The following FASTKD5 variants were observed in gnomAD, a reference collection of about 807,000 sequenced individuals.
FASTKD5 encodes FAST kinase domains 5, also known as non-canonical pre-mRNAs endonuclease FASTKD5, mitochondrial.
FASTKD5 carries 30 observed loss-of-function variants against 44.0 expected under a neutral mutation model. The observed-to-expected ratio is 0.68, with a 90% CI of 0.51 to 0.93. The LOEUF is 0.93. Among genes scored for constraint, FASTKD5 ranks in the 40% least tolerant of loss-of-function variants. The pLI is 0.00. For synonymous variants in FASTKD5, 335 were observed against 342.2 expected (o/e 0.98, Z 0.23); for missense variants, 868 against 908.2 (o/e 0.96, Z 0.57).
chr20:3,151,010 T>G (rs979935215), intron 1 of FASTKD5: 1 of 152,202 alleles, frequency 6.6e-6, no homozygotes, highest in Non-Finnish European at 1.5e-5. Flanking sequence ...CCTCTTGAAG[T>G]AGCAAAAACT....
intron 1 of FASTKD5, among the ~76,000 whole-genome samples, chr20:3,158,530 G>A (rs1568485446): frequency 6.6e-6 from 1 of 152,018 alleles, no homozygotes; most frequent in Non-Finnish European, 1.5e-5. Flanking sequence ...CTGGAGTGCA[G>A]TGGCGCGATC....
intron 1 of FASTKD5, among the ~76,000 whole-genome samples, chr20:3,152,976 T>C (rs994783553): frequency 3.3e-5 from 5 of 151,640 alleles, no homozygotes; most frequent in South Asian, 2.1e-4. Flanking sequence ...AGCTGTGCCA[T>C]AGTAAAGCGA....
Position 3,148,318 on chromosome 20 carries a change from C to T in FASTKD5, c.753G>A (p.Trp251Ter). Residue 251 changes from tryptophan to a stop codon, truncating the protein, a stop_gained, in exon 2 of 2, where the codon TGG becomes TGA. Transcript: ENST00000380266. LOFTEE classifies it high-confidence loss of function. ...MDQLLLVADL[W>*]RYLGRKVPRF... ...TAGGTACTTTGCGGCCTAAGTACCTCCAGAGATCAGCCACCAAAAGGAGCT... is the reference window on the plus strand; with the variant it reads ...TAGGTACTTTGCGGCCTAAGTACCTTCAGAGATCAGCCACCAAAAGGAGCT... 1 of 1,613,958 alleles carries T rather than the reference C, an allele frequency of 6.2e-7. No homozygotes were observed. Among genetic ancestry groups the T allele is most frequent in the Non-Finnish European group, 8.5e-7 (1 of 1,180,002 alleles).
Position 3,147,795 on chromosome 20 carries a change from G to C in FASTKD5, c.1276C>G (p.Arg426Gly). 1 of 1,614,100 alleles carries C rather than the reference G, an allele frequency of 6.2e-7. No homozygotes were observed. Among genetic ancestry groups the C allele is most frequent in the Non-Finnish European group, 8.5e-7 (1 of 1,180,020 alleles). Residue 426 changes from arginine to glycine, a missense_variant, in exon 2 of 2, where the codon CGA becomes GGA. By Grantham distance (125) the Arg-to-Gly change is moderately radical (BLOSUM62 -2). Transcript: ENST00000380266. The stretch of plus-strand genomic sequence containing the variant: ...AGAATCTTGGCAACATCTTTACTTC[G>C]ACAGTGTGCCACTCTAGGAGGCAAA... The part of the protein sequence containing the change: ...ASLPPRVAHC[R>G]SKDVAKILWS...
At chr20:3,155,515 A>T (rs1036682918) in intron 1 of FASTKD5, among the ~76,000 whole-genome samples, 1 of 152,084 alleles carries the variant, frequency 6.6e-6, no homozygotes, top group Non-Finnish European at 1.5e-5. Flanking sequence ...TGGGCAACAG[A>T]GCGAAACTCC....
chr20:3,150,133 T>C (rs2066609772), intron 1 of FASTKD5, among the ~76,000 whole-genome samples: 1 of 152,220 alleles, frequency 6.6e-6, no homozygotes, highest in East Asian at 1.9e-4. Flanking sequence ...TTTTACTTTT[T>C]AGAAGATGCC....
At chr20:3,154,927 A>C (rs1299118399) in intron 1 of FASTKD5, among the ~76,000 whole-genome samples, 1 of 151,574 alleles carries the variant, frequency 6.6e-6, no homozygotes, top group African/African-American at 2.4e-5. Flanking sequence ...GTGGCTCACA[A>C]CTGTAATCCC....
intron 1 of FASTKD5, among the ~76,000 whole-genome samples, chr20:3,151,253 G>A (rs904055310): frequency 6.6e-6 from 1 of 152,126 alleles, no homozygotes. Flanking sequence ...TCAGATCAAG[G>A]GTGAGCAGAC....
intron 1 of FASTKD5, among the ~76,000 whole-genome samples, chr20:3,155,052 CAAA>C (rs11326176): frequency 0.011 from 1,022 of 96,108 alleles, 16 homozygotes; most frequent in African/African-American, 0.044. Flanking sequence ...GACACAGTCT[CAAA>C]AAAAAAAAAA....
chr20:3,158,666 G>A (rs1025664598), intron 1 of FASTKD5, among the ~76,000 whole-genome samples: 4 of 151,994 alleles, frequency 2.6e-5, no homozygotes, highest in African/African-American at 4.8e-5. Context: ...AGTAGAGACG[G>A]GGTTTCACCA....
chr20:3,146,995 G>A lies in FASTKD5; in HGVS notation c.2076C>T (p.Thr692=), dbSNP rs763874670. The A allele has an allele frequency of 3.1e-6, 5 of 1,614,118 alleles. No homozygotes were observed. The highest frequency in any genetic ancestry group is 2.5e-6 in the Non-Finnish European group (3 of 1,180,040). The change falls in exon 2 of 2, where the codon ACC becomes ACT. Residue 692 remains threonine, a synonymous_variant. Transcript: ENST00000380266. Reference sequence around the variant, plus strand: ...ACTGAACAGCCAGCTTCATTCTTGGGGTCTGCATGCAGGCTGCGGGGCACA... The same window carrying A: ...ACTGAACAGCCAGCTTCATTCTTGGAGTCTGCATGCAGGCTGCGGGGCACA... ...AGLCPAACMQ[T]PRMKLAVQFT...
At chr20:3,157,519 A>C (rs979822059) in intron 1 of FASTKD5, among the ~76,000 whole-genome samples, 2 of 152,198 alleles carry the variant, frequency 1.3e-5, no homozygotes, top group Non-Finnish European at 2.9e-5. Flanking sequence ...CTATTCCTCT[A>C]TCAGAATGGC....
In FASTKD5 at chr20:3,147,152, C is replaced by T; in HGVS notation, c.1919G>A (p.Gly640Glu). The T allele has an allele frequency of 6.2e-7, 1 of 1,613,804 alleles. No homozygotes were observed. Among genetic ancestry groups the T allele is most frequent in the East Asian group, 2.2e-5 (1 of 44,874 alleles). Reference sequence around the variant, plus strand: ...TGACTCAGTTTTGCCCTGGAAATGTCCTCTTGCTTTCCCTTTTAGTAACTT... The same window carrying T: ...TGACTCAGTTTTGCCCTGGAAATGTTCTCTTGCTTTCCCTTTTAGTAACTT... The part of the protein sequence containing the change: ...MNKLLKGKAR[G>E]HFQGKTESEP... Residue 640 changes from glycine to glutamate, a missense_variant, in exon 2 of 2, where the codon GGA becomes GAA. By Grantham distance (98) the Gly-to-Glu change is moderately conservative. Coordinates refer to ENST00000380266, the MANE Select transcript of FASTKD5 (RefSeq NM_021826.5).
At chr20:3,155,644 A>C (rs964858815) in intron 1 of FASTKD5, among the ~76,000 whole-genome samples, 9 of 152,248 alleles carry the variant, frequency 5.9e-5, no homozygotes, top group Non-Finnish European at 1.2e-4. Context: ...ATTAAATTAA[A>C]AAATCCATGT....
At chr20:3,152,682 C>A (rs543700847) in intron 1 of FASTKD5, among the ~76,000 whole-genome samples, 1 of 152,004 alleles carries the variant, frequency 6.6e-6, no homozygotes, top group Non-Finnish European at 1.5e-5. Context: ...CCAAGGTGGG[C>A]GGACCACTTG....
At position 3,148,803 on chromosome 20, in the gene FASTKD5, T is replaced by C. The variant is rs2066595412; in HGVS notation, c.268A>G (p.Thr90Ala). ...FSKTSSSKAS[T>A]LQLGSPRATG... The stretch of plus-strand genomic sequence containing the variant: ...GCCCTGGGTGAGCCCAGCTGCAATG[T>C]ACTGGCCTTAGAGGAAGAAGTCTTG... The change falls in exon 2 of 2, where the codon ACA (threonine) becomes GCA (alanine). Residue 90 changes from threonine (T) to alanine (A), a missense_variant. Coordinates refer to ENST00000380266, the MANE Select transcript of FASTKD5 (RefSeq NM_021826.5). 5 of 1,614,106 alleles carry C rather than the reference T, an allele frequency of 3.1e-6. No individual in the cohort carries two copies. The highest frequency in any genetic ancestry group is 1.3e-5 in the African/African-American group (1 of 74,946).
At chr20:3,151,792 G>A (rs1415716228) in intron 1 of FASTKD5, 1 of 151,966 alleles carries the variant, frequency 6.6e-6, no homozygotes, top group Non-Finnish European at 1.5e-5. Context: ...CTACAGCACA[G>A]GAAAGGTGGG....
intron 1 of FASTKD5, among the ~76,000 whole-genome samples, chr20:3,157,028 G>A (rs770368824): frequency 9.2e-5 from 14 of 152,108 alleles, no homozygotes; most frequent in African/African-American, 3.1e-4. Context: ...TTGGAAGGCC[G>A]AGCAGGCAGA....
In FASTKD5 at chr20:3,151,420, T is replaced by C. The variant is rs182961559; in HGVS notation, c.-190-2160A>G. On this transcript the variant is annotated intron_variant, in intron 1 of 1. Transcript: ENST00000380266. ...GGCAGATTGTATGGCCTGCAAAGCA[T>C]ATTTAGTGTTTGGTCTATTACATAA... Among the ~76,000 whole-genome samples, 143 of 152,324 alleles carry C rather than the reference T, an allele frequency of 9.4e-4. 1 individual carries two copies. The highest frequency in any genetic ancestry group is 3.2e-3 in the African/African-American group (135 of 41,568).
Sources: allele counts gnomAD v4.1 joint callset (sites outside exome capture counted in the v4.1 genomes callset), GRCh38; gene constraint gnomAD v4.1.1; transcripts MANE v1.5; gene names NCBI Gene and HGNC (gene_info 2026-07-23, HGNC 2026-07-21).